The following NAV3 variants were observed in gnomAD, a reference collection of about 807,000 sequenced individuals.
The protein encoded by NAV3 is neuron navigator 3, also known as pore membrane and/or filament interacting like protein 1.
A neutral mutation model predicts 244.7 loss-of-function variants in NAV3; 87 were observed. The observed-to-expected ratio is 0.36, with a 90% CI of 0.30 to 0.42. The LOEUF (loss-of-function observed/expected upper bound fraction) is 0.42. Ranked by LOEUF, NAV3 falls within the 20% of genes least tolerant of loss-of-function variation. The probability of loss-of-function intolerance (pLI) is 1.00; values close to 1 mark genes in which losing one functional copy is unlikely to be tolerated. For synonymous variants in NAV3, 1,126 were observed against 1,042.2 expected, an observed-to-expected ratio of 1.08 and a Z score of -1.55; for missense variants, 2,663 against 2,893.3, an observed-to-expected ratio of 0.92 and a Z score of 1.83.
rs2138625035 is a variant in NAV3 at position 78,119,667 on chromosome 12, C to A, written c.3471C>A (p.Ser1157=). The A allele has an allele frequency of 6.2e-7, 1 of 1,614,200 alleles. No homozygotes were observed. The highest frequency in any genetic ancestry group is 8.5e-7 in the Non-Finnish European group (1 of 1,180,038). ...SGIPGRGGHR[S]STSSIDSNVS... The stretch of plus-strand genomic sequence containing the variant: ...TTCCTGGCCGAGGAGGCCACAGATC[C>A]AGTACCAGCAGTATTGATTCCAACG... Residue 1157 remains serine, a synonymous_variant, in exon 15 of 40, where the codon TCC becomes TCA. Coordinates refer to ENST00000397909, the MANE Select transcript of NAV3 (RefSeq NM_001024383.2).
rs538715882 is a variant in NAV3, at chr12:77,963,208, T to C, written c.415-3021T>C. 5.9e-5 allele frequency among the ~76,000 whole-genome samples: 9 copies of C among 152,258 alleles called. No individual in the cohort carries two copies. In the East Asian group the frequency reaches 1.7e-3, roughly 29 times the overall value. ...TAAAACAGTGTTTGTACTAGGTCTATTTATAATAACTGAGAGATGTTTAAG... is the reference window on the plus strand; with the variant it reads ...TAAAACAGTGTTTGTACTAGGTCTACTTATAATAACTGAGAGATGTTTAAG... On this transcript the variant is annotated intron_variant, in intron 3 of 39. Coordinates refer to ENST00000397909, the MANE Select transcript of NAV3 (RefSeq NM_001024383.2).
intron 2 of NAV3, among the ~76,000 whole-genome samples, chr12:77,758,078 C>T (rs1225706613): frequency 6.6e-6 from 1 of 150,782 alleles, no homozygotes; most frequent in Non-Finnish European, 1.5e-5. Flanking sequence ...TTGGCCACTG[C>T]TGTTCCCAGT....
chr12:78,133,412 T>TAC (rs1272010587), intron 18 of NAV3, among the ~76,000 whole-genome samples: 1 of 151,010 alleles, frequency 6.6e-6, no homozygotes, highest in Non-Finnish European at 1.5e-5. Flanking sequence ...TATATATATA[T>TAC]ACTTACCTTA....
chr12:77,745,609 T>A (rs1351114062), intron 2 of NAV3, among the ~76,000 whole-genome samples: 2 of 152,012 alleles, frequency 1.3e-5, no homozygotes, highest in Admixed American at 6.6e-5. Flanking sequence ...TACTCCTTGA[T>A]GAGTTGAAGG....
intron 23 of NAV3, among the ~76,000 whole-genome samples, chr12:78,165,494 T>A (rs1005691886): frequency 2.6e-5 from 4 of 151,958 alleles, no homozygotes; most frequent in African/African-American, 9.7e-5. Context: ...ATAAAGAAAT[T>A]GTATGAAAAT....
chr12:77,722,277 A>G (rs1876672924), intron 2 of NAV3, among the ~76,000 whole-genome samples: 1 of 152,062 alleles, frequency 6.6e-6, no homozygotes, highest in South Asian at 2.1e-4. Flanking sequence ...TTTATTTGAT[A>G]GGGATTATAA....
rs575365834 is a variant in NAV3 at position 77,727,843 on chromosome 12, T to C, written c.72+155577T>C. ...AGCCCAGGCAGTCTGTATTACATAA[T>C]GGACAACTGCTATTGCCAAGTACTC... On this transcript the variant is annotated intron_variant, in intron 2 of 8. Transcript: ENST00000550042. 6.8e-4 allele frequency among the ~76,000 whole-genome samples: 104 copies of C among 152,084 alleles called. 2 individuals carry two copies. Among genetic ancestry groups the C allele is most frequent in the African/African-American group, 2.2e-3 (93 of 41,538 alleles).
At chr12:77,892,718 C>T (rs1432266215) in intron 1 of NAV3, among the ~76,000 whole-genome samples, 1 of 152,106 alleles carries the variant, frequency 6.6e-6, no homozygotes, top group Non-Finnish European at 1.5e-5. Flanking sequence ...CCCGGCCCAA[C>T]TATCTGAATT....
chr12:77,849,041 C>T (rs1375245375), intron 1 of NAV3, among the ~76,000 whole-genome samples: 1 of 152,124 alleles, frequency 6.6e-6, no homozygotes, highest in Non-Finnish European at 1.5e-5. Context: ...GCTAATCCTT[C>T]ATAGACATTG....
rs371331909 is a variant in NAV3, at chr12:78,162,964, A to G, written c.4869+3678A>G. The stretch of plus-strand genomic sequence containing the variant: ...ATTTATAAATATGTAATTTATATAT[A>G]TAATATATAATTAAAACATATAGGA... On this transcript the variant is annotated intron_variant, in intron 23 of 39. Coordinates refer to ENST00000397909, the MANE Select transcript of NAV3 (RefSeq NM_001024383.2). 8.2e-5 allele frequency among the ~76,000 whole-genome samples: 11 copies of G among 134,038 alleles called. No homozygotes were observed. The East Asian group carries it at 1.6e-3, about 19-fold the overall frequency. 87.9% of individuals were successfully genotyped at this position (134,038 alleles called of 152,430 possible).
chr12:77,686,175 C>T (rs1034927073), intron 2 of NAV3, among the ~76,000 whole-genome samples: 4 of 152,126 alleles, frequency 2.6e-5, no homozygotes, highest in African/African-American at 9.7e-5. Flanking sequence ...TCACTGCAAC[C>T]ACTGCCTCCT....
intron 2 of NAV3, among the ~76,000 whole-genome samples, chr12:77,695,268 G>T (rs1183460035): frequency 2.0e-5 from 3 of 152,048 alleles, no homozygotes; most frequent in African/African-American, 7.2e-5. Flanking sequence ...TTCTGTAGTA[G>T]TTTCATGGTT....
chr12:77,596,155 C>T (rs564237082), intron 2 of NAV3, among the ~76,000 whole-genome samples: 46 of 152,242 alleles, frequency 3.0e-4, no homozygotes, highest in East Asian at 3.9e-4. Context: ...GTACTTTCCT[C>T]GCTGTTTGAC....
chr12:77,990,533 A>G (rs1197924802), intron 5 of NAV3, among the ~76,000 whole-genome samples: 1 of 152,232 alleles, frequency 6.6e-6, no homozygotes, highest in Non-Finnish European at 1.5e-5. Context: ...AGTTTCTCAG[A>G]TTTTAAAACT....
At chr12:77,628,766 T>C (rs1871750689) in intron 2 of NAV3, among the ~76,000 whole-genome samples, 1 of 151,434 alleles carries the variant, frequency 6.6e-6, no homozygotes, top group African/African-American at 2.4e-5. Flanking sequence ...TGGAGCATGC[T>C]TGTGGTCCCA....
At chr12:78,188,899 T>C (rs906548111) in intron 33 of NAV3, 122 bp downstream of exon 33, 1 of 760,788 alleles carries the variant, frequency 1.3e-6, no homozygotes, top group African/African-American at 1.8e-5. Flanking sequence ...TGTAGTATTT[T>C]AAAAATCAAT....
intron 2 of NAV3, among the ~76,000 whole-genome samples, chr12:77,578,272 G>A (rs764288467): frequency 4.6e-5 from 7 of 152,160 alleles, no homozygotes; most frequent in Non-Finnish European, 1.0e-4. Context: ...GAATGGGAAT[G>A]TGCATTTTAA....
At chr12:77,666,111 A>T (rs1262033309) in intron 2 of NAV3, among the ~76,000 whole-genome samples, 1 of 150,624 alleles carries the variant, frequency 6.6e-6, no homozygotes, top group Non-Finnish European at 1.5e-5. Flanking sequence ...ATAAAATTCC[A>T]TCTTCCACTC....
At position 78,185,712 on chromosome 12, in the gene NAV3, C is replaced by T. The variant is rs1232827812; in HGVS notation, c.5790+14C>T. On this transcript the variant is annotated intron_variant, in intron 31 of 39. Coordinates refer to ENST00000397909, the MANE Select transcript of NAV3 (RefSeq NM_001024383.2). ...GGTCGAGCAAAGGTACTTCTTTAAT[C>T]TTAAACTCTTTATTACTAACAATGA... The T allele has an allele frequency of 6.3e-7, 1 of 1,592,474 alleles. No individual in the cohort carries two copies. The highest frequency in any genetic ancestry group is 1.7e-5 in the Admixed American group (1 of 59,446).
Sources: gnomAD v4.1 joint callset for allele counts (sites outside exome capture counted in the v4.1 genomes callset) on GRCh38, gnomAD v4.1.1 for gene constraint, MANE v1.5 for transcripts, NCBI Gene and HGNC (gene_info 2026-07-23, HGNC 2026-07-21) for gene names.